ACTG1: variants seen among roughly 807,000 people sequenced by gnomAD.
ACTG1 encodes the protein actin, cytoplasmic 2.
A neutral mutation model predicts 34.3 loss-of-function variants in ACTG1; 14 were observed. The ratio of observed to expected loss-of-function variants is 0.41; its 90% CI spans 0.27 to 0.64. ACTG1 has a LOEUF of 0.64. Ranked by LOEUF, ACTG1 falls within the 30% of genes least tolerant of loss-of-function variation. ACTG1 has a pLI of 0.33. For synonymous variants in ACTG1, 422 were observed against 213.9 expected (o/e 1.97, Z -8.49); for missense variants, 233 against 529.5 (o/e 0.44, Z 5.50).
At chr17:81,510,903 A>C (rs1458561053) in intron 5 of ACTG1, 24 bp downstream of exon 5, 3 of 1,613,718 alleles carry the variant, frequency 1.9e-6, no homozygotes, top group South Asian at 1.1e-5. Flanking sequence ...AGCCAGGCAG[A>C]GGGCCACCAA....
Position 81,511,206 on chromosome 17 carries a change from A to G in ACTG1, c.784T>C (p.Phe262Leu). 3.1e-6 allele frequency: 5 copies of G among 1,613,726 alleles called. No homozygotes were observed. The highest frequency in any genetic ancestry group is 4.2e-6 in the Non-Finnish European group (5 of 1,180,032). Residue 262 changes from phenylalanine to leucine, a missense_variant, in exon 4 of 6, where the codon TTC becomes CTC. Coordinates refer to ENST00000573283, the MANE Select transcript of ACTG1 (RefSeq NM_001614.5). ...CACCTACCCAGGAAGGAAGGCTGGAACAGCGCCTCCGGACACCGGAACCGC... is the reference window on the plus strand; with the variant it reads ...CACCTACCCAGGAAGGAAGGCTGGAGCAGCGCCTCCGGACACCGGAACCGC... Reference protein sequence around the residue: ...NERFRCPEALFQPSFLGMESC... With the variant: ...NERFRCPEALLQPSFLGMESC...
In ACTG1 at chr17:81,511,525, A is replaced by T; in HGVS notation, c.465T>A (p.Ser155=). ...SGRTTGIVMD[S]GDGVTHTVPI... is the part of the protein sequence containing the mutation. ...GCACCGTGTGGGTGACCCCGTCTCC[A>T]GAGTCCATGACAATGCCAGTGGTGC... The change falls in exon 4 of 6, where the codon TCT becomes TCA. Residue 155 remains serine (S), a synonymous_variant. Transcript: ENST00000573283. The T allele has an allele frequency of 1.2e-6, 2 of 1,613,894 alleles. No homozygotes were observed. Among genetic ancestry groups the T allele is most frequent in the Non-Finnish European group, 1.7e-6 (2 of 1,180,034 alleles).
Position 81,512,717 on chromosome 17 carries a change from C to G in ACTG1, c.-7+17G>C. On this transcript the variant is annotated intron_variant, in intron 1 of 5. Transcript: ENST00000573283. ...GGCCTGCGACGTCCAGCTCAGGCCC[C>G]GGGGCGGGGCGCTCACCGGCAGAGA... 2.5e-6 allele frequency: 1 copy of G among 404,316 alleles called. No homozygotes were observed. The allele number at this position is 404,316 out of a possible 1,614,324, so 25.0% of individuals were successfully genotyped here.
chr17:81,512,188 C>T (rs1243406090), intron 2 of ACTG1, 44 bp downstream of exon 2: 1 of 1,613,426 alleles, frequency 6.2e-7, no homozygotes, highest in South Asian at 1.1e-5. Context: ...CCGAACCCAC[C>T]CCGCAACGCA....
In ACTG1 at chr17:81,511,182, A is replaced by T. The variant is rs782366708; in HGVS notation, c.802+6T>A. The T allele has an allele frequency of 7.4e-6, 12 of 1,613,540 alleles. No individual in the cohort carries two copies. Among genetic ancestry groups the T allele is most frequent in the Non-Finnish European group, 1.0e-5 (12 of 1,179,992 alleles). On this transcript the variant is annotated splice_donor_region_variant and intron_variant, in intron 4 of 5. Coordinates refer to ENST00000573283, the MANE Select transcript of ACTG1 (RefSeq NM_001614.5). Reference sequence around the variant, plus strand: ...AGAGTAGAAACCTTTAGCTCACAACACCTACCCAGGAAGGAAGGCTGGAAC... The same window carrying T: ...AGAGTAGAAACCTTTAGCTCACAACTCCTACCCAGGAAGGAAGGCTGGAAC...
chr17:81,511,722 G>GGAGAA, intron 3 of ACTG1, 96 bp from the exon 4 acceptor site: 1 of 1,516,398 alleles, frequency 6.6e-7, no homozygotes, highest in Non-Finnish European at 9.0e-7. Flanking sequence ...TGTGATGTGT[G>GGAGAA]GAGAAAAGAA....
At chr17:81,511,792 G>T (rs780514084) in intron 3 of ACTG1, 111 bp downstream of exon 3, 1 of 1,577,946 alleles carries the variant, frequency 6.3e-7, no homozygotes, top group African/African-American at 1.4e-5. Context: ...AATGCCGGGA[G>T]AGGAACAGAG....
intron 3 of ACTG1, 101 bp downstream of exon 3, chr17:81,511,802 G>C (rs782700031): frequency 1.3e-6 from 2 of 1,592,122 alleles, no homozygotes; most frequent in Admixed American, 1.7e-5. Flanking sequence ...GAGGAACAGA[G>C]CCTGGAACAG....
In ACTG1 at chr17:81,510,676, TCTG is replaced by T. The variant is rs1568059979; in HGVS notation, c.*11_*13del. The T allele has an allele frequency of 6.2e-7, 1 of 1,613,800 alleles. No homozygotes were observed. The highest frequency in any genetic ancestry group is 8.5e-7 in the Non-Finnish European group (1 of 1,179,962). On this transcript the variant is annotated 3_prime_UTR_variant, in exon 6 of 6. Transcript: ENST00000573283. ...TAACCCATGCAGCAAATGCTACGCA[TCTG>T]CTGAGTCCGTTTAGAAGCATTTGCG...
rs200506997 is a variant in ACTG1, at chr17:81,511,188, C to G, written c.802G>C (p.Gly268Arg). ...GAAACCTTTAGCTCACAACACCTAC[C>G]CAGGAAGGAAGGCTGGAACAGCGCC... ...PEALFQPSFL[G>R]MESCGIHETT... is the part of the protein sequence containing the mutation. The change falls in exon 4 of 6, where the codon GGT (glycine) becomes CGT (arginine). Residue 268 changes from glycine (G) to arginine (R), a missense_variant and splice_region_variant. Physicochemically the swap from Gly to Arg is moderately radical, Grantham distance 125. Coordinates refer to ENST00000573283, the MANE Select transcript of ACTG1 (RefSeq NM_001614.5). 1 of 1,613,696 alleles carries G rather than the reference C, an allele frequency of 6.2e-7. No homozygotes were observed. Among genetic ancestry groups the G allele is most frequent in the Admixed American group, 1.7e-5 (1 of 60,016 alleles).
chr17:81,510,669 C>A lies in ACTG1; in HGVS notation c.*21G>T. On this transcript the variant is annotated 3_prime_UTR_variant, in exon 6 of 6. Transcript: ENST00000573283. ...TCTCAATTAACCCATGCAGCAAATG[C>A]TACGCATCTGCTGAGTCCGTTTAGA... is the stretch of plus-strand genomic sequence containing the variant. 2 of 1,613,598 alleles carry A rather than the reference C, an allele frequency of 1.2e-6. No homozygotes were observed. Among genetic ancestry groups the A allele is most frequent in the Non-Finnish European group, 1.7e-6 (2 of 1,179,934 alleles).
chr17:81,511,650 T>C (rs372941147), intron 3 of ACTG1, 24 bp from the exon 4 acceptor site: 1 of 1,609,080 alleles, frequency 6.2e-7, no homozygotes. Context: ...AGGGGCGGCT[T>C]AGTCAGGGAC....
chr17:81,512,239 C>T lies in ACTG1; in HGVS notation c.116G>A (p.Arg39Lys). 1 of 1,613,678 alleles carries T rather than the reference C, an allele frequency of 6.2e-7. No individual in the cohort carries two copies. The highest frequency in any genetic ancestry group is 8.5e-7 in the Non-Finnish European group (1 of 1,179,962). ...GCGGCGCCATCCACTCACCTGGTGT[C>T]TGGGGCGCCCGACGATGGAAGGAAA... ...AVFPSIVGRP[R>K]HQGVMVGMGQ... The change falls in exon 2 of 6, where the codon AGA becomes AAA. Residue 39 changes from arginine (R) to lysine (K), a missense_variant. By Grantham distance (26) the Arg-to-Lys change is conservative (BLOSUM62 2). Transcript: ENST00000573283.
intron 1 of ACTG1, 88 bp from the exon 2 acceptor site, chr17:81,512,448 T>C: frequency 6.2e-7 from 1 of 1,604,256 alleles, no homozygotes. Flanking sequence ...CGGGGAAGCC[T>C]CGGCCCTGCC....
chr17:81,512,698 C>T lies in ACTG1; in HGVS notation c.-7+36G>A, dbSNP rs1033502251. The T allele has an allele frequency of 8.0e-4, 324 of 405,954 alleles. 1 individual carries two copies. The highest frequency in any genetic ancestry group is 1.5e-3 in the Admixed American group (41 of 28,142). 25.1% of individuals were successfully genotyped at this position (405,954 alleles called of 1,614,324 possible). A position where few individuals can be genotyped will look rare whatever the true frequency, so the allele number is the denominator to read the frequency against. Reference sequence around the variant, plus strand: ...GCCGGGGTCGGGGGGCGCAGGCCTGCGACGTCCAGCTCAGGCCCCGGGGCG... The same window carrying T: ...GCCGGGGTCGGGGGGCGCAGGCCTGTGACGTCCAGCTCAGGCCCCGGGGCG... On this transcript the variant is annotated intron_variant, in intron 1 of 5. Coordinates refer to ENST00000573283, the MANE Select transcript of ACTG1 (RefSeq NM_001614.5).
At position 81,511,637 on chromosome 17, in the gene ACTG1, A is replaced by G; in HGVS notation, c.364-11T>C. On this transcript the variant is annotated splice_polypyrimidine_tract_variant and intron_variant, in intron 3 of 5. Coordinates refer to ENST00000573283, the MANE Select transcript of ACTG1 (RefSeq NM_001614.5). ...GGTCTCAAACATAATCTGAGAAGGG[A>G]CAAGGGGCGGCTTAGTCAGGGACAG... The G allele has an allele frequency of 6.2e-7, 1 of 1,611,924 alleles. No individual in the cohort carries two copies. Among genetic ancestry groups the G allele is most frequent in the Non-Finnish European group, 8.5e-7 (1 of 1,179,162 alleles).
At position 81,511,331 on chromosome 17, in the gene ACTG1, G is replaced by A; in HGVS notation, c.659C>T (p.Ala220Val). ...GGCCATCTCCTGCTCGAAGTCCAGGGCGACGTAGCACAGCTTCTCCTTGAT... is the reference window on the plus strand; with the variant it reads ...GGCCATCTCCTGCTCGAAGTCCAGGACGACGTAGCACAGCTTCTCCTTGAT... ...RDIKEKLCYV[A>V]LDFEQEMATA... Residue 220 changes from alanine to valine, a missense_variant, in exon 4 of 6, where the codon GCC becomes GTC. Coordinates refer to ENST00000573283, the MANE Select transcript of ACTG1 (RefSeq NM_001614.5). 2 of 1,613,856 alleles carry A rather than the reference G, an allele frequency of 1.2e-6. No individual in the cohort carries two copies. The highest frequency in any genetic ancestry group is 1.7e-6 in the Non-Finnish European group (2 of 1,180,036).
At chr17:81,511,689 C>G (rs1310626354) in intron 3 of ACTG1, 63 bp from the exon 4 acceptor site, 5 of 1,558,288 alleles carry the variant, frequency 3.2e-6, no homozygotes, top group African/African-American at 2.7e-5. Flanking sequence ...CATGCTCACA[C>G]GCCACAACAT....
At chr17:81,512,516 C>T in intron 1 of ACTG1, 156 bp from the exon 2 acceptor site, 2 of 1,250,326 alleles carry the variant, frequency 1.6e-6, no homozygotes, top group South Asian at 1.2e-5. Flanking sequence ...AAGGCCGGGC[C>T]TTTTACGTAA....
Sources: gnomAD v4.1 joint callset for allele counts on GRCh38, gnomAD v4.1.1 for gene constraint, MANE v1.5 for transcripts, NCBI Gene and HGNC (gene_info 2026-07-23, HGNC 2026-07-21) for gene names.